LRGUK: variants seen among roughly 807,000 people sequenced by gnomAD.
The protein encoded by LRGUK is leucine rich repeats and guanylate kinase domain containing.
Under a neutral mutation model 76.0 loss-of-function variants are expected in LRGUK, and 65 were observed. The observed-to-expected ratio is 0.85, with a 90% CI of 0.70 to 1.05. The LOEUF (loss-of-function observed/expected upper bound fraction) is 1.05. Ranked by LOEUF, LRGUK falls within the 50% of genes least tolerant of loss-of-function variation. The probability of loss-of-function intolerance (pLI) is 0.00; values close to 1 mark genes in which losing one functional copy is unlikely to be tolerated. For missense variants in LRGUK, 758 were observed against 732.8 expected (o/e 1.03, Z -0.40); for synonymous variants, 268 against 265.6 (o/e 1.01, Z -0.09).
At chr7:134,181,161 G>C (rs1050085769) in intron 10 of LRGUK, among the ~76,000 whole-genome samples, 1 of 152,122 alleles carries the variant, frequency 6.6e-6, no homozygotes, top group Non-Finnish European at 1.5e-5. Flanking sequence ...TTGGTTGTTT[G>C]AAGCTTGTTT....
intron 7 of LRGUK, among the ~76,000 whole-genome samples, chr7:134,170,005 T>C (rs1799175036): frequency 6.6e-6 from 1 of 152,126 alleles, no homozygotes; most frequent in Non-Finnish European, 1.5e-5. Flanking sequence ...CACATCTTAC[T>C]ACACCTTTGT....
At chr7:134,269,469 C>T (rs1173584507), downstream of LRGUK, among the ~76,000 whole-genome samples, 3 of 151,372 alleles carry the variant, frequency 2.0e-5, no homozygotes, top group Non-Finnish European at 4.4e-5. Context: ...CCTCCTGCCT[C>T]AGCCTCCCAA....
chr7:134,179,408 G>C lies in LRGUK; in HGVS notation c.1214+799G>C, dbSNP rs181182287. On this transcript the variant is annotated intron_variant, in intron 10 of 15. Coordinates refer to ENST00000645682, the Ensembl canonical transcript of LRGUK. ...GGCTTCTCTTCTTCATGTGGTATTT[G>C]CTCCTGTACTTCACATGGCTGGTTT... 2.6e-5 allele frequency among the ~76,000 whole-genome samples: 4 copies of C among 152,176 alleles called. No individual in the cohort carries two copies. In the East Asian group the frequency reaches 7.7e-4, roughly 29 times the overall value.
At chr7:134,157,919 A>G in intron 5 of LRGUK, 116 bp from the exon 6 acceptor site, 1 of 749,126 alleles carries the variant, frequency 1.3e-6, no homozygotes. Flanking sequence ...TTGGGCATAT[A>G]ATCGTTCTTT....
chr7:134,189,256 G>T (rs1364224664), intron 11 of LRGUK, among the ~76,000 whole-genome samples: 1 of 152,172 alleles, frequency 6.6e-6, no homozygotes, highest in Non-Finnish European at 1.5e-5. Flanking sequence ...GAAAGATTTA[G>T]ACAAGGGAAA....
At chr7:134,197,278 A>G (rs1190965371) in intron 13 of LRGUK, among the ~76,000 whole-genome samples, 173 bp downstream of exon 13, 1 of 152,178 alleles carries the variant, frequency 6.6e-6, no homozygotes, top group Non-Finnish European at 1.5e-5. Flanking sequence ...GGGGAGGGGT[A>G]TACAATGCAC....
chr7:134,172,846 C>T (rs551944350), intron 7 of LRGUK, among the ~76,000 whole-genome samples: 2 of 151,860 alleles, frequency 1.3e-5, no homozygotes, highest in South Asian at 2.1e-4. Context: ...CTAGGCTTGG[C>T]AGTGCACACT....
At chr7:134,273,004 A>G in the LRGUK span, among the ~76,000 whole-genome samples, 1 of 152,170 alleles carries the variant, frequency 6.6e-6, no homozygotes, top group East Asian at 1.9e-4. Context: ...TCCTCCCTGC[A>G]TTCATAAGAA....
At chr7:134,201,636 T>A in intron 15 of LRGUK, 60 bp downstream of exon 15, 1 of 1,256,070 alleles carries the variant, frequency 8.0e-7, no homozygotes, top group Admixed American at 1.8e-5. Flanking sequence ...GGAAAACAAA[T>A]CTGAGTTGCT....
At chr7:134,156,543 A>G (rs1387705717) in intron 5 of LRGUK, among the ~76,000 whole-genome samples, 1 of 152,214 alleles carries the variant, frequency 6.6e-6, no homozygotes, top group Non-Finnish European at 1.5e-5. Flanking sequence ...GGAGCAAGAA[A>G]AAGAAAGTTC....
At chr7:134,185,740 C>CA (rs950827450) in intron 11 of LRGUK, among the ~76,000 whole-genome samples, 1 of 151,978 alleles carries the variant, frequency 6.6e-6, no homozygotes, top group African/African-American at 2.4e-5. Context: ...AATGCTATTA[C>CA]AAAAAAACTT....
chr7:134,206,442 G>C (rs557227291), intron 15 of LRGUK, among the ~76,000 whole-genome samples: 33 of 152,120 alleles, frequency 2.2e-4, no homozygotes, highest in Admixed American at 1.9e-3. Flanking sequence ...TTGAACCAGG[G>C]AGTCAGAAGT....
chr7:134,181,708 A>G (rs1207500414), intron 10 of LRGUK, among the ~76,000 whole-genome samples: 2 of 152,166 alleles, frequency 1.3e-5, no homozygotes, highest in African/African-American at 4.8e-5. Flanking sequence ...GTAGATTCAC[A>G]TGAAGTTGTA....
chr7:134,147,691 T>C (rs567170143), intron 4 of LRGUK, among the ~76,000 whole-genome samples: 1 of 152,244 alleles, frequency 6.6e-6, no homozygotes, highest in East Asian at 1.9e-4. Context: ...TTTAGGTTAT[T>C]GGGAGGTTCC....
intron 12 of LRGUK, among the ~76,000 whole-genome samples, chr7:134,196,621 C>A (rs535121338): frequency 6.6e-6 from 1 of 152,046 alleles, no homozygotes; most frequent in Non-Finnish European, 1.5e-5. Flanking sequence ...GCTGAAATGG[C>A]GGCAGTAAAG....
chr7:134,211,064 A>C (rs542619449), downstream of LRGUK, among the ~76,000 whole-genome samples: 355 of 152,332 alleles, frequency 2.3e-3, 1 homozygote, highest in African/African-American at 8.0e-3. Flanking sequence ...GAGTCTCCAC[A>C]CTGGCTTCCT....
intron 18 of LRGUK, among the ~76,000 whole-genome samples, chr7:134,252,207 G>A (rs1802464803): frequency 6.6e-6 from 1 of 151,892 alleles, no homozygotes; most frequent in Admixed American, 6.6e-5. Context: ...GAATGGTGGT[G>A]TGTGCCTGTC....
intron 1 of LRGUK, among the ~76,000 whole-genome samples, chr7:134,136,177 T>C (rs992498279): frequency 6.6e-6 from 1 of 152,206 alleles, no homozygotes; most frequent in Non-Finnish European, 1.5e-5. Flanking sequence ...CTGGTCATTA[T>C]GGAGTTGAAG....
At chr7:134,216,488 T>C (rs1234066247) in intron 15 of LRGUK, among the ~76,000 whole-genome samples, 3 of 152,162 alleles carry the variant, frequency 2.0e-5, no homozygotes, top group South Asian at 4.1e-4. Context: ...GAGAAGTGAG[T>C]AGGGAAACAT....
Sources: allele counts gnomAD v4.1 joint callset (sites outside exome capture counted in the v4.1 genomes callset), GRCh38; gene constraint gnomAD v4.1.1; transcripts MANE v1.5; gene names NCBI Gene and HGNC (gene_info 2026-07-23, HGNC 2026-07-21).